The following PACSIN2 variants were observed in gnomAD, a reference collection of about 807,000 sequenced individuals.
The protein encoded by PACSIN2 is protein kinase C and casein kinase substrate in neurons 2, also known as protein kinase C and casein kinase substrate in neurons protein 2.
A neutral mutation model predicts 63.8 loss-of-function variants in PACSIN2; 25 were observed. The ratio of observed to expected loss-of-function variants is 0.39; its 90% CI spans 0.29 to 0.55. The LOEUF (loss-of-function observed/expected upper bound fraction) is 0.55. Ranked by LOEUF, PACSIN2 falls within the 20% of genes least tolerant of loss-of-function variation. The pLI is 0.62. For synonymous variants in PACSIN2, 255 were observed against 256.2 expected (o/e 1.00, Z 0.05); for missense variants, 518 against 646.9 (o/e 0.80, Z 2.16).
intron 1 of PACSIN2, among the ~76,000 whole-genome samples, chr22:42,970,396 TG>T: frequency 6.6e-6 from 1 of 152,072 alleles, no homozygotes; most frequent in Non-Finnish European, 1.5e-5. Flanking sequence ...AAAACATCAG[TG>T]GGAAAACTGG....
chr22:42,879,713 G>C (rs773586216), intron 7 of PACSIN2, among the ~76,000 whole-genome samples: 3 of 152,210 alleles, frequency 2.0e-5, no homozygotes, highest in Non-Finnish European at 4.4e-5. Context: ...TCGGAGACCT[G>C]AGCAAGCCTG....
At chr22:42,970,298 A>C (rs1410246766) in intron 1 of PACSIN2, among the ~76,000 whole-genome samples, 13 of 152,228 alleles carry the variant, frequency 8.5e-5, no homozygotes, top group Non-Finnish European at 4.4e-5. Context: ...AGGGCACTTC[A>C]CCTCTGTGGG....
chr22:42,985,775 A>T (rs1171848742), intron 1 of PACSIN2, among the ~76,000 whole-genome samples: 8 of 152,162 alleles, frequency 5.3e-5, no homozygotes, highest in African/African-American at 1.9e-4. Context: ...TGGAAATCTG[A>T]TAAGTCTCCC....
intron 1 of PACSIN2, among the ~76,000 whole-genome samples, chr22:42,997,989 A>G (rs1485289360): frequency 6.6e-6 from 1 of 152,242 alleles, no homozygotes; most frequent in Non-Finnish European, 1.5e-5. Context: ...AAAATTACAG[A>G]GCAAAATCTA....
chr22:42,957,954 T>C (rs944557870), intron 1 of PACSIN2, among the ~76,000 whole-genome samples: 3 of 152,148 alleles, frequency 2.0e-5, no homozygotes, highest in Non-Finnish European at 4.4e-5. Context: ...AGAGAATTGT[T>C]GATTTTTAAG....
chr22:43,010,398 A>ATATATATATATATTTT lies in PACSIN2; in HGVS notation c.-78+4622_-78+4623insAAAATATATATATATA. Reference sequence around the variant, plus strand: ...TGTTTAAAAATACATATATATATATATTTTTTTTTAATTGAAAATAAAAAA... The same window carrying ATATATATATATATTTT: ...TGTTTAAAAATACATATATATATATATATATATATATATTTTTTTTTTTTTAATTGAAAATAAAAAA... On this transcript the variant is annotated intron_variant, in intron 1 of 10. Transcript: ENST00000263246. Among the ~76,000 whole-genome samples, 7 of 126,394 alleles carry ATATATATATATATTTT rather than the reference A, an allele frequency of 5.5e-5. 1 individual carries two copies. Among genetic ancestry groups the ATATATATATATATTTT allele is most frequent in the African/African-American group, 1.1e-4 (4 of 35,312 alleles). The allele number at this position is 126,394 out of a possible 152,430, so 82.9% of individuals were successfully genotyped here.
chr22:42,872,482 C>A (rs994873026), intron 10 of PACSIN2, among the ~76,000 whole-genome samples: 1 of 152,226 alleles, frequency 6.6e-6, no homozygotes, highest in African/African-American at 2.4e-5. Flanking sequence ...TTTTTTGGTC[C>A]ATTTTTCAGA....
At chr22:42,948,001 A>G (rs1002612469) in intron 1 of PACSIN2, among the ~76,000 whole-genome samples, 30 of 152,220 alleles carry the variant, frequency 2.0e-4, no homozygotes, top group African/African-American at 7.2e-4. Context: ...AAGAGCTAGG[A>G]AACAGTTCTG....
intron 7 of PACSIN2, chr22:42,880,596 T>A (rs557971167): frequency 2.1e-4 from 32 of 152,308 alleles, no homozygotes; most frequent in African/African-American, 7.7e-4. Flanking sequence ...CTCTATGAGG[T>A]AGCCGAACGC....
chr22:42,913,298 G>A (rs1030492554), intron 1 of PACSIN2, among the ~76,000 whole-genome samples: 20 of 152,102 alleles, frequency 1.3e-4, no homozygotes, highest in South Asian at 6.2e-4. Flanking sequence ...TGACCAAGAC[G>A]GAGAAACCCC....
intron 1 of PACSIN2, among the ~76,000 whole-genome samples, chr22:42,987,490 A>C (rs1353184561): frequency 9.6e-6 from 1 of 104,012 alleles, no homozygotes; most frequent in Non-Finnish European, 2.0e-5. Flanking sequence ...ACACACACAC[A>C]CACCCATGGC....
At chr22:42,938,623 C>T (rs1397056405) in intron 1 of PACSIN2, among the ~76,000 whole-genome samples, 2 of 152,226 alleles carry the variant, frequency 1.3e-5, no homozygotes, top group African/African-American at 4.8e-5. Flanking sequence ...GCATGTTCCG[C>T]AGGACCATTT....
Position 42,958,244 on chromosome 22 carries a change from G to A in PACSIN2, c.-77-46087C>T, listed in dbSNP as rs550443859. Among the ~76,000 whole-genome samples the A allele has an allele frequency of 7.2e-5, 11 of 151,864 alleles. No homozygotes were observed. The East Asian group carries it at 1.2e-3, about 16-fold the overall frequency. ...CGAGACGAGTGACCTTGGACAAGTC[G>A]TCACCTCTGGATCCCAATTCCTTTG... On this transcript the variant is annotated intron_variant, in intron 1 of 10. Coordinates refer to ENST00000263246, the MANE Select transcript of PACSIN2 (RefSeq NM_001184970.3).
rs890612232 is a variant in PACSIN2, at chr22:43,008,696, G to C, written c.-78+6325C>G. Among the ~76,000 whole-genome samples, 43 of 152,222 alleles carry C rather than the reference G, an allele frequency of 2.8e-4. 1 individual carries two copies. The highest frequency in any genetic ancestry group is 1.0e-3 in the African/African-American group (42 of 41,468). On this transcript the variant is annotated intron_variant, in intron 1 of 10. Coordinates refer to ENST00000263246, the MANE Select transcript of PACSIN2 (RefSeq NM_001184970.3). ...CACTGTTGGACAGTCCTGGCCACTG[G>C]CACAATCCACACCCAACTTTCAAAC... is the stretch of plus-strand genomic sequence containing the variant.
intron 1 of PACSIN2, among the ~76,000 whole-genome samples, chr22:42,928,103 T>A (rs1362791971): frequency 6.6e-6 from 1 of 152,108 alleles, no homozygotes; most frequent in East Asian, 1.9e-4. Flanking sequence ...CTGGATACAG[T>A]TTAAAGAGCA....
intron 1 of PACSIN2, among the ~76,000 whole-genome samples, chr22:42,970,880 C>T (rs1007188313): frequency 6.6e-6 from 1 of 152,048 alleles, no homozygotes; most frequent in Non-Finnish European, 1.5e-5. Flanking sequence ...TGGCCTGCAG[C>T]GCCTCCCCAC....
At chr22:42,927,021 T>C (rs1172828274) in intron 1 of PACSIN2, among the ~76,000 whole-genome samples, 1 of 152,112 alleles carries the variant, frequency 6.6e-6, no homozygotes, top group Non-Finnish European at 1.5e-5. Context: ...GCCAAGCCCA[T>C]GATGATTTTA....
At position 42,872,916 on chromosome 22, in the gene PACSIN2, G is replaced by A. The variant is rs548035022; in HGVS notation, c.1349-1447C>T. Among the ~76,000 whole-genome samples, 13 of 152,282 alleles carry A rather than the reference G, an allele frequency of 8.5e-5. 1 individual carries two copies. The East Asian group carries it at 1.7e-3, about 20-fold the overall frequency. ...ATCTCTTTCCACCGCTTCGTGCCTCGGGCCCCTGGCGTTTCTTTTGTCCTG... is the reference window on the plus strand; with the variant it reads ...ATCTCTTTCCACCGCTTCGTGCCTCAGGCCCCTGGCGTTTCTTTTGTCCTG... On this transcript the variant is annotated intron_variant, in intron 10 of 10. Transcript: ENST00000263246.
intron 2 of PACSIN2, 63 bp downstream of exon 2, chr22:42,911,958 A>C: frequency 7.8e-7 from 1 of 1,283,686 alleles, no homozygotes; most frequent in Non-Finnish European, 1.1e-6. Context: ...AAAAAAACCA[A>C]AGGGCCTGCC....
Sources: allele counts gnomAD v4.1 joint callset (sites outside exome capture counted in the v4.1 genomes callset), GRCh38; gene constraint gnomAD v4.1.1; transcripts MANE v1.5; gene names NCBI Gene and HGNC (gene_info 2026-07-23, HGNC 2026-07-21).